RAB17: variants seen among roughly 807,000 people sequenced by gnomAD.
The protein encoded by RAB17 is RAB17, member RAS oncogene family.
In RAB17, 15 loss-of-function variants were observed where a neutral mutation model predicts 19.3. The ratio of observed to expected loss-of-function variants is 0.78; its 90% CI spans 0.52 to 1.20. RAB17 has a LOEUF of 1.20. RAB17 is among the 50% of genes most tolerant of loss of function. The pLI is 0.00. For synonymous variants in RAB17, 110 were observed against 112.8 expected, an observed-to-expected ratio of 0.97 and a Z score of 0.16; for missense variants, 262 against 269.3, an observed-to-expected ratio of 0.97 and a Z score of 0.19.
chr2:237,587,210 T>C (rs184459799), intron 1 of RAB17, among the ~76,000 whole-genome samples: 28 of 152,354 alleles, frequency 1.8e-4, no homozygotes, highest in Non-Finnish European at 2.6e-4. Context: ...CTGAAGACTA[T>C]TACTTCGACC....
intron 1 of RAB17, among the ~76,000 whole-genome samples, chr2:237,588,498 G>C (rs555792686): frequency 6.6e-6 from 1 of 152,300 alleles, no homozygotes; most frequent in African/African-American, 2.4e-5. Context: ...GCTCAAGTCA[G>C]CTGGGGACAG....
chr2:237,576,425 T>C (rs75520021), intron 4 of RAB17, among the ~76,000 whole-genome samples: 30,856 of 151,852 alleles, frequency 0.2, 3,319 homozygotes, highest in East Asian at 0.25. Context: ...GCTGCCAGGA[T>C]CCTCTCTCCC....
At chr2:237,588,949 G>A (rs556021427) in intron 1 of RAB17, among the ~76,000 whole-genome samples, 55 of 152,288 alleles carry the variant, frequency 3.6e-4, no homozygotes, top group Non-Finnish European at 6.2e-4. Context: ...TGGGCTGGGC[G>A]CAGTGGCTCA....
At chr2:237,589,163 C>T (rs1300849305) in intron 1 of RAB17, among the ~76,000 whole-genome samples, 4 of 150,974 alleles carry the variant, frequency 2.6e-5, no homozygotes, top group African/African-American at 9.8e-5. Flanking sequence ...GAGGTTTCAG[C>T]GAGCCAAAAT....
intron 2 of RAB17, among the ~76,000 whole-genome samples, chr2:237,582,155 T>C: frequency 6.6e-6 from 1 of 152,230 alleles, no homozygotes; most frequent in East Asian, 1.9e-4. Flanking sequence ...GCCAGCACGT[T>C]GGCTTTCCAG....
At chr2:237,575,590 A>G in intron 4 of RAB17, 110 bp from the exon 5 acceptor site, 1 of 766,934 alleles carries the variant, frequency 1.3e-6, no homozygotes. Context: ...TGGAGCCCGC[A>G]CTCCTCCACG....
chr2:237,583,384 A>G (rs370932911), intron 2 of RAB17, among the ~76,000 whole-genome samples: 10 of 152,216 alleles, frequency 6.6e-5, no homozygotes, highest in African/African-American at 2.4e-4. Context: ...TAGTTACAGT[A>G]ATATCTACCT....
chr2:237,588,418 A>G (rs1000875399), intron 1 of RAB17, among the ~76,000 whole-genome samples: 7 of 152,228 alleles, frequency 4.6e-5, no homozygotes, highest in African/African-American at 9.6e-5. Context: ...AAGCAGCACA[A>G]ACAGACTAAG....
intron 2 of RAB17, chr2:237,578,492 T>C (rs1351981636): frequency 5.0e-6 from 1 of 198,466 alleles, no homozygotes; most frequent in Non-Finnish European, 1.0e-5. Flanking sequence ...CCCTGCCAGC[T>C]TCCAGCGATG....
intron 1 of RAB17, among the ~76,000 whole-genome samples, chr2:237,587,242 C>A (rs6733424): frequency 0.26 from 39,915 of 152,114 alleles, 6,930 homozygotes; most frequent in African/African-American, 0.5. Flanking sequence ...TAAGGGGTTG[C>A]AAAATGGTGA....
intron 1 of RAB17, among the ~76,000 whole-genome samples, chr2:237,586,792 C>T (rs2081353667): frequency 6.6e-6 from 1 of 152,164 alleles, no homozygotes; most frequent in Non-Finnish European, 1.5e-5. Context: ...ATAGAGAGAA[C>T]GGTCCGATGG....
chr2:237,574,516 AGAT>A lies in RAB17; in HGVS notation c.*500_*502del. ...GCCCTTCCCAGGGGCAACTTCACCA[AGAT>A]GTGGAAATCCTGGGCCCACCCCACA... is the stretch of plus-strand genomic sequence containing the variant. On this transcript the variant is annotated 3_prime_UTR_variant, in exon 6 of 6. Coordinates refer to ENST00000264601, the MANE Select transcript of RAB17 (RefSeq NM_022449.4). 6.4e-7 allele frequency: 1 copy of A among 1,550,436 alleles called. No individual in the cohort carries two copies. The highest frequency in any genetic ancestry group is 8.7e-7 in the Non-Finnish European group (1 of 1,146,932).
chr2:237,576,632 A>G (rs1290304181), intron 4 of RAB17: 1 of 471,074 alleles, frequency 2.1e-6, no homozygotes, highest in Non-Finnish European at 4.4e-6. Flanking sequence ...GCCAGCCTCT[A>G]GTGTGTGTGG....
At chr2:237,578,434 C>T in intron 2 of RAB17, 1 of 308,274 alleles carries the variant, frequency 3.2e-6, no homozygotes, top group Admixed American at 4.5e-5. Flanking sequence ...AAGCTCTGGG[C>T]TACATATGCC....
At chr2:237,579,843 T>C (rs2081295432) in intron 2 of RAB17, among the ~76,000 whole-genome samples, 1 of 152,090 alleles carries the variant, frequency 6.6e-6, no homozygotes, top group African/African-American at 2.4e-5. Context: ...CGGAAACCAC[T>C]GCCTGGGCTC....
rs371995454 is a variant in RAB17, at chr2:237,586,102, C to T, written c.53G>A (p.Arg18His). Residue 18 changes from arginine to histidine, a missense_variant, in exon 2 of 6, where the codon CGT (arginine) becomes CAT (histidine). Coordinates refer to ENST00000264601, the MANE Select transcript of RAB17 (RefSeq NM_022449.4). ...TCCCAGGAGAACCAGCTTGAACACA[C>T]GGGGCTGGCTGGGGGCAGCCCTGGG... ...PQPRAAPSQPRVFKLVLLGSG... is the reference protein window; with the variant it reads ...PQPRAAPSQPHVFKLVLLGSG... The T allele has an allele frequency of 2.2e-5, 36 of 1,612,614 alleles. No homozygotes were observed. The highest frequency in any genetic ancestry group is 1.5e-4 in the Admixed American group (9 of 59,876).
intron 2 of RAB17, among the ~76,000 whole-genome samples, chr2:237,582,099 A>T (rs1282175603): frequency 6.6e-6 from 1 of 151,646 alleles, no homozygotes; most frequent in Non-Finnish European, 1.5e-5. Flanking sequence ...CGTCCCTCGG[A>T]CTCCCGTCCG....
chr2:237,584,352 C>T (rs1345092690), intron 2 of RAB17, among the ~76,000 whole-genome samples: 1 of 152,090 alleles, frequency 6.6e-6, no homozygotes, highest in African/African-American at 2.4e-5. Context: ...TGCCTTTGGG[C>T]GCTGGCTCCT....
At chr2:237,582,483 G>A (rs891718123) in intron 2 of RAB17, among the ~76,000 whole-genome samples, 1 of 152,230 alleles carries the variant, frequency 6.6e-6, no homozygotes, top group African/African-American at 2.4e-5. Context: ...CGGAGGGAAG[G>A]AGTGGCATGC....
Sources: allele counts gnomAD v4.1 joint callset (sites outside exome capture counted in the v4.1 genomes callset), GRCh38; gene constraint gnomAD v4.1.1; transcripts MANE v1.5; gene names NCBI Gene and HGNC (gene_info 2026-07-23, HGNC 2026-07-21).